The following HS3ST5 variants were observed in gnomAD, a reference collection of about 807,000 sequenced individuals.
HS3ST5 encodes the protein heparan sulfate-glucosamine 3-sulfotransferase 5.
Under a neutral mutation model 25.4 loss-of-function variants are expected in HS3ST5, and 10 were observed. The ratio of observed to expected loss-of-function variants is 0.39; its 90% CI spans 0.24 to 0.67. The LOEUF is 0.67. HS3ST5 is among the 30% of genes least tolerant of loss of function. The pLI, the probability that HS3ST5 is intolerant of heterozygous loss-of-function variation, is 0.44. For missense variants in HS3ST5, 324 were observed against 420.7 expected (o/e 0.77, Z 2.01); for synonymous variants, 170 against 162.4 (o/e 1.05, Z -0.36).
At chr6:114,168,065 AAAC>A (rs1318592796) in intron 3 of HS3ST5, among the ~76,000 whole-genome samples, 3 of 152,182 alleles carry the variant, frequency 2.0e-5, no homozygotes, top group Admixed American at 6.6e-5. Flanking sequence ...CACAAACAAA[AAAC>A]AACACACGCA....
At chr6:114,341,201 AGAGGG>A (rs1562281349) in intron 1 of HS3ST5, among the ~76,000 whole-genome samples, 2 of 102,600 alleles carry the variant, frequency 1.9e-5, no homozygotes, top group African/African-American at 8.5e-5. Flanking sequence ...AGGGAGAGGG[AGAGGG>A]AATAGGGAGA....
intron 1 of HS3ST5, among the ~76,000 whole-genome samples, chr6:114,334,512 C>T (rs1266307365): frequency 1.3e-5 from 2 of 152,212 alleles, no homozygotes; most frequent in African/African-American, 2.4e-5. Context: ...GCCAATGACA[C>T]ACCACATAAA....
At chr6:114,194,697 T>C (rs896240287) in intron 2 of HS3ST5, among the ~76,000 whole-genome samples, 5 of 152,274 alleles carry the variant, frequency 3.3e-5, no homozygotes, top group Middle Eastern at 3.4e-3. Flanking sequence ...ATTCTACCCC[T>C]GGATCATGCT....
intron 3 of HS3ST5, among the ~76,000 whole-genome samples, chr6:114,103,241 T>TG (rs1289191454): frequency 6.6e-6 from 1 of 152,100 alleles, no homozygotes; most frequent in Non-Finnish European, 1.5e-5. Flanking sequence ...ATTGGGAGGC[T>TG]GAGGCAGGAA....
intron 2 of HS3ST5, among the ~76,000 whole-genome samples, chr6:114,207,619 TC>T (rs373559240): frequency 8.7e-4 from 132 of 152,194 alleles, no homozygotes; most frequent in African/African-American, 3.1e-3. Flanking sequence ...AGGCTCTCTC[TC>T]TCACTCTCTC....
rs1190703843 is a variant in HS3ST5 at position 114,056,022 on chromosome 6, G to A, written c.*1235C>T. The A allele has an allele frequency of 6.6e-6, 1 of 152,150 alleles. No homozygotes were observed. Among genetic ancestry groups the A allele is most frequent in the Non-Finnish European group, 1.5e-5 (1 of 68,028 alleles). The allele number at this position is 152,150 out of a possible 1,614,324, so 9.4% of individuals were successfully genotyped here. The stretch of plus-strand genomic sequence containing the variant: ...ATTTTCAACTAACAGGGAGAGTTGT[G>A]AGATCTTGTTTTCATTTTTGAAGCA... On this transcript the variant is annotated 3_prime_UTR_variant, in exon 5 of 5. Coordinates refer to ENST00000312719, the MANE Select transcript of HS3ST5 (RefSeq NM_153612.4).
chr6:114,110,339 C>G (rs1421214192), intron 3 of HS3ST5, among the ~76,000 whole-genome samples: 1 of 151,768 alleles, frequency 6.6e-6, no homozygotes. Flanking sequence ...TAAAAGGCAG[C>G]TAGAGTGTGC....
intron 2 of HS3ST5, among the ~76,000 whole-genome samples, chr6:114,219,509 A>G (rs1290083151): frequency 1.3e-5 from 2 of 152,210 alleles, no homozygotes; most frequent in African/African-American, 4.8e-5. Flanking sequence ...GGAGAGGGAT[A>G]AACATTTCCA....
chr6:114,211,935 T>C (rs995013202), intron 2 of HS3ST5, among the ~76,000 whole-genome samples: 1 of 152,232 alleles, frequency 6.6e-6, no homozygotes, highest in African/African-American at 2.4e-5. Flanking sequence ...GTGCCCCACA[T>C]TGTTCTGCAA....
chr6:114,295,045 CT>C lies in HS3ST5; in HGVS notation c.-339+47149del, dbSNP rs1180435723. On this transcript the variant is annotated intron_variant, in intron 1 of 4. Coordinates refer to ENST00000312719, the MANE Select transcript of HS3ST5 (RefSeq NM_153612.4). ...CACATAATTAACAAGGCACTAAAAA[CT>C]TTTTTTTCAAACCCAGATAGCTGGC... Among the ~76,000 whole-genome samples, 5 of 152,014 alleles carry C rather than the reference CT, an allele frequency of 3.3e-5. No individual in the cohort carries two copies. In the East Asian group the frequency reaches 9.7e-4, roughly 29 times the overall value.
intron 2 of HS3ST5, among the ~76,000 whole-genome samples, chr6:114,205,350 T>G (rs1056638633): frequency 1.3e-5 from 2 of 152,086 alleles, no homozygotes; most frequent in Non-Finnish European, 2.9e-5. Flanking sequence ...ATAACCAGCC[T>G]ATTATTAAGG....
intron 3 of HS3ST5, among the ~76,000 whole-genome samples, chr6:114,069,614 G>T (rs994150448): frequency 2.0e-5 from 3 of 151,818 alleles, no homozygotes; most frequent in Non-Finnish European, 4.4e-5. Flanking sequence ...TGCCTTCCGG[G>T]TTCAAGCAAT....
intron 3 of HS3ST5, among the ~76,000 whole-genome samples, chr6:114,127,116 T>C (rs1352195218): frequency 6.6e-6 from 1 of 152,052 alleles, no homozygotes; most frequent in Non-Finnish European, 1.5e-5. Context: ...AAAATAGAAA[T>C]ACCCTCATGC....
chr6:114,139,810 A>G (rs894949437), intron 3 of HS3ST5, among the ~76,000 whole-genome samples: 10 of 152,214 alleles, frequency 6.6e-5, no homozygotes, highest in Non-Finnish European at 1.3e-4. Context: ...TACTGGCAGG[A>G]AATGGCAGTT....
chr6:114,108,751 G>T (rs1276090860), intron 3 of HS3ST5, among the ~76,000 whole-genome samples: 3 of 152,134 alleles, frequency 2.0e-5, no homozygotes, highest in African/African-American at 7.2e-5. Flanking sequence ...AAGGGTGATG[G>T]ATATGTTCAT....
chr6:114,119,988 T>C (rs1254604640), intron 3 of HS3ST5, among the ~76,000 whole-genome samples: 1 of 151,958 alleles, frequency 6.6e-6, no homozygotes, highest in Admixed American at 6.6e-5. Flanking sequence ...CTACCAAAAA[T>C]ACAAAAATTA....
chr6:114,194,800 C>A (rs1329907454), intron 2 of HS3ST5, among the ~76,000 whole-genome samples: 1 of 152,142 alleles, frequency 6.6e-6, no homozygotes, highest in Non-Finnish European at 1.5e-5. Context: ...ATTTATGACT[C>A]CTCCTATAGT....
Position 114,057,164 on chromosome 6 carries a change from G to C in HS3ST5, c.*93C>G. 3 of 862,656 alleles carry C rather than the reference G, an allele frequency of 3.5e-6. No homozygotes were observed. Among genetic ancestry groups the C allele is most frequent in the Non-Finnish European group, 5.5e-6 (3 of 541,724 alleles). 53.4% of individuals were successfully genotyped at this position (862,656 alleles called of 1,614,324 possible). ...ACAAATATACATGGAAAAATGACTT[G>C]GATAGCTCTGCCTAGGAAAAGTGCA... On this transcript the variant is annotated 3_prime_UTR_variant, in exon 5 of 5. Transcript: ENST00000312719.
At chr6:114,067,074 C>T (rs559412678) in intron 3 of HS3ST5, among the ~76,000 whole-genome samples, 58 of 152,258 alleles carry the variant, frequency 3.8e-4, no homozygotes, top group Admixed American at 3.1e-3. Flanking sequence ...TATCTCTGTG[C>T]AATCATCAGC....
Sources: gnomAD v4.1 joint callset for allele counts (sites outside exome capture counted in the v4.1 genomes callset) on GRCh38, gnomAD v4.1.1 for gene constraint, MANE v1.5 for transcripts, NCBI Gene and HGNC (gene_info 2026-07-23, HGNC 2026-07-21) for gene names.